The following ZSWIM8 variants were observed in gnomAD, a reference collection of about 807,000 sequenced individuals.
The protein encoded by ZSWIM8 is zinc finger SWIM-type containing 8.
Under a neutral mutation model 173.7 loss-of-function variants are expected in ZSWIM8, and 27 were observed. The observed-to-expected ratio is 0.16, with a 90% CI of 0.11 to 0.21. ZSWIM8 has a LOEUF of 0.21. Ranked by LOEUF, ZSWIM8 falls within the 10% of genes least tolerant of loss-of-function variation. ZSWIM8 has a pLI of 1.00. For missense variants in ZSWIM8, 1,627 were observed against 2,428.8 expected, an observed-to-expected ratio of 0.67 and a Z score of 6.94; for synonymous variants, 958 against 962.0, an observed-to-expected ratio of 1.00 and a Z score of 0.08.
Position 73,795,263 on chromosome 10 carries a change from C to T in ZSWIM8, c.2909-276C>T, listed in dbSNP as rs190301300. On this transcript the variant is annotated intron_variant, in intron 14 of 25. Coordinates refer to ENST00000604729, the MANE Select transcript of ZSWIM8 (RefSeq NM_001367799.1). ...GCGAACACCATGAGTAAATACACAACGCAATCAAGTTTTCATGAGAATGAG... is the reference window on the plus strand; with the variant it reads ...GCGAACACCATGAGTAAATACACAATGCAATCAAGTTTTCATGAGAATGAG... 7.2e-5 allele frequency among the ~76,000 whole-genome samples: 11 copies of T among 152,292 alleles called. No individual in the cohort carries two copies. In the East Asian group the frequency reaches 1.7e-3, roughly 24 times the overall value.
intron 15 of ZSWIM8, chr10:73,796,218 G>A (rs905092146): frequency 1.6e-4 from 30 of 189,402 alleles, no homozygotes; most frequent in Non-Finnish European, 2.5e-4. Flanking sequence ...GCATGGTGGC[G>A]CGCGCCTGTA....
Position 73,789,583 on chromosome 10 carries a change from C to T in ZSWIM8, c.630+44C>T, listed in dbSNP as rs770421233. ...ATCCCGGCCCTATCCTACACTCCAT[C>T]CCCCCCTTCTCTGCTGCATGCCTGG... On this transcript the variant is annotated intron_variant, in intron 4 of 25. Coordinates refer to ENST00000604729, the MANE Select transcript of ZSWIM8 (RefSeq NM_001367799.1). The surrounding 1 kb of genome is among the most constrained non-coding windows in gnomAD (Gnocchi z 6.8). 1 of 1,585,792 alleles carries T rather than the reference C, an allele frequency of 6.3e-7. No homozygotes were observed. The highest frequency in any genetic ancestry group is 1.3e-5 in the African/African-American group (1 of 74,430).
chr10:73,796,681 G>A, intron 15 of ZSWIM8, 93 bp from the exon 16 acceptor site: 1 of 1,519,654 alleles, frequency 6.6e-7, no homozygotes, highest in Non-Finnish European at 8.8e-7. Flanking sequence ...TGTAGCAATT[G>A]GCTGTTTCAA....
At chr10:73,786,219 C>CGGGAGCTGTCCCCGACT (rs1296075714) in intron 1 of ZSWIM8, 133 bp downstream of exon 1, 3 of 1,057,494 alleles carry the variant, frequency 2.8e-6, no homozygotes, top group Admixed American at 3.2e-5. Context: ...TGTCCCCGGC[C>CGGGAGCTGTCCCCGACT]GGGAGCTGTC....
intron 2 of ZSWIM8, 121 bp from the exon 3 acceptor site, chr10:73,788,975 A>ACCCCC: frequency 2.8e-6 from 1 of 355,000 alleles, no homozygotes; most frequent in African/African-American, 4.9e-5. Flanking sequence ...CCTCCCCCCC[A>ACCCCC]CCCCCCGCCC....
rs2083728632 is a variant in ZSWIM8, at chr10:73,797,641, G to T, written c.3662+36G>T. 3 of 1,607,444 alleles carry T rather than the reference G, an allele frequency of 1.9e-6. No homozygotes were observed. The highest frequency in any genetic ancestry group is 2.6e-6 in the Non-Finnish European group (3 of 1,175,942). The stretch of plus-strand genomic sequence containing the variant: ...AGAACTCCCCATCTTCCCTGATCTG[G>T]CCCACCCTCAGAGCCACACCCCTAG... On this transcript the variant is annotated intron_variant, in intron 18 of 25. Coordinates refer to ENST00000604729, the MANE Select transcript of ZSWIM8 (RefSeq NM_001367799.1). This position sits in a 1 kb window ranked among gnomAD's most constrained non-coding sequence, Gnocchi z 5.6.
chr10:73,792,127 C>A lies in ZSWIM8; in HGVS notation c.1588C>A (p.Arg530=), dbSNP rs745642328. Residue 530 remains arginine (R), a synonymous_variant, in exon 10 of 26, where the codon CGG becomes AGG. Coordinates refer to ENST00000604729, the MANE Select transcript of ZSWIM8 (RefSeq NM_001367799.1). This position sits in a 1 kb window ranked among gnomAD's most constrained non-coding sequence, Gnocchi z 4.3. The part of the protein sequence containing the change: ...RSGGLEESRD[R]PRPLPTEPAV... ...TGGGGGCCTGGAGGAATCCCGGGAC[C>A]GGCCCCGACCCCTTCCTACTGAGCC... is the stretch of plus-strand genomic sequence containing the variant. The A allele has an allele frequency of 5.9e-6, 9 of 1,524,918 alleles. No individual in the cohort carries two copies. Among genetic ancestry groups the A allele is most frequent in the Non-Finnish European group, 7.9e-6 (9 of 1,135,184 alleles). 94.5% of individuals were successfully genotyped at this position (1,524,918 alleles called of 1,614,324 possible).
In ZSWIM8 at chr10:73,789,737, A is replaced by G; in HGVS notation, c.651A>G (p.Arg217=). 1 of 1,607,136 alleles carries G rather than the reference A, an allele frequency of 6.2e-7. No individual in the cohort carries two copies. The highest frequency in any genetic ancestry group is 8.5e-7 in the Non-Finnish European group (1 of 1,176,946). Residue 217 remains arginine, a synonymous_variant, in exon 5 of 26, where the codon CGA becomes CGG. Transcript: ENST00000604729. The surrounding 1 kb of genome is among the most constrained non-coding windows in gnomAD (Gnocchi z 6.8). ...TTCAGGCTTCTGCAGTCTGCCTGCGAGCCCCAGTCTCAGAGTCCCTGTCCC... is the reference window on the plus strand; with the variant it reads ...TTCAGGCTTCTGCAGTCTGCCTGCGGGCCCCAGTCTCAGAGTCCCTGTCCC... The part of the protein sequence containing the change: ...RIHNASAVCL[R]APVSESLSRL...
rs1250795038 is a variant in ZSWIM8, at chr10:73,796,767, C to T, written c.3034-7C>T. ...CTTCTCTGGAGGTCACTGCTTCTGTCTTCCAGATCTTAGACAAACTCTTGG... is the reference window on the plus strand; with the variant it reads ...CTTCTCTGGAGGTCACTGCTTCTGTTTTCCAGATCTTAGACAAACTCTTGG... On this transcript the variant is annotated splice_polypyrimidine_tract_variant and splice_region_variant and intron_variant, in intron 15 of 25. Coordinates refer to ENST00000604729, the MANE Select transcript of ZSWIM8 (RefSeq NM_001367799.1). 1 of 1,612,240 alleles carries T rather than the reference C, an allele frequency of 6.2e-7. No homozygotes were observed. The highest frequency in any genetic ancestry group is 8.5e-7 in the Non-Finnish European group (1 of 1,179,816).
chr10:73,796,516 C>A lies in ZSWIM8; in HGVS notation c.3034-258C>A, dbSNP rs2083664256. ...GAGAAGCAGAGGGCATAAAGTCATT[C>A]ATTCACTTATTTCAGTATTTATTGA... On this transcript the variant is annotated intron_variant, in intron 15 of 25. Transcript: ENST00000604729. The A allele has an allele frequency of 5.6e-6, 3 of 534,832 alleles. No homozygotes were observed. In the South Asian group the frequency reaches 6.2e-5, roughly 11 times the overall value. 33.1% of individuals were successfully genotyped at this position (534,832 alleles called of 1,614,324 possible). A position where few individuals can be genotyped will look rare whatever the true frequency, so the allele number is the denominator to read the frequency against.
Position 73,791,110 on chromosome 10 carries a change from G to T in ZSWIM8, c.1077G>T (p.Lys359Asn). Residue 359 changes from lysine to asparagine, a missense_variant, in exon 8 of 26, where the codon AAG (lysine) becomes AAT (asparagine). Transcript: ENST00000604729. This position sits in a 1 kb window ranked among gnomAD's most constrained non-coding sequence, Gnocchi z 6.0. ...TAAGCATTGTGCGGGAGATGTTCAA[G>T]CGGAGGGACAGCAATGCTGCCCCCT... ...NLLSIVREMF[K>N]RRDSNAAPLL... 6.2e-7 allele frequency: 1 copy of T among 1,613,910 alleles called. No individual in the cohort carries two copies. Among genetic ancestry groups the T allele is most frequent in the Non-Finnish European group, 8.5e-7 (1 of 1,179,808 alleles).
intron 1 of ZSWIM8, chr10:73,786,502 T>C (rs1338880734): frequency 5.9e-6 from 1 of 169,266 alleles, no homozygotes; most frequent in Admixed American, 6.4e-5. Context: ...TACCGGAAAG[T>C]AGAGGAAGAG....
rs1211658067 is a variant in ZSWIM8, at chr10:73,789,392, G to A, written c.483G>A (p.Val161=). 2 of 1,569,510 alleles carry A rather than the reference G, an allele frequency of 1.3e-6. No individual in the cohort carries two copies. The highest frequency in any genetic ancestry group is 2.7e-5 in the African/African-American group (2 of 74,314). Residue 161 remains valine, a synonymous_variant, in exon 4 of 26, where the codon GTG becomes GTA. Coordinates refer to ENST00000604729, the MANE Select transcript of ZSWIM8 (RefSeq NM_001367799.1). This position sits in a 1 kb window ranked among gnomAD's most constrained non-coding sequence, Gnocchi z 6.8. ...QIGFHLSATV[V]PPQMVPPKGA... is the part of the protein sequence containing the mutation. ...GGTTCCACCTGAGTGCTACAGTGGT[G>A]CCACCTCAGATGGTCCCTCCTAAAG...
intron 1 of ZSWIM8, chr10:73,786,380 A>T (rs2083227219): frequency 2.7e-6 from 1 of 365,968 alleles, no homozygotes; most frequent in African/African-American, 2.1e-5. Context: ...TGACAGGGAG[A>T]TCCTGTGGAC....
Position 73,791,928 on chromosome 10 carries a change from A to G in ZSWIM8, c.1389A>G (p.Gln463=), listed in dbSNP as rs200545382. The G allele has an allele frequency of 2.6e-6, 4 of 1,551,934 alleles. No individual in the cohort carries two copies. The highest frequency in any genetic ancestry group is 3.5e-6 in the Non-Finnish European group (4 of 1,147,146). ...LKVIENVKRG[Q]HKKTLERLFP... ...TGATTGAGAACGTCAAGCGGGGCCA[A>G]CACAAGAAGACGCTGGAGCGGCTCT... Residue 463 remains glutamine (Q), a synonymous_variant, in exon 10 of 26, where the codon CAA becomes CAG. Transcript: ENST00000604729. The surrounding 1 kb of genome is among the most constrained non-coding windows in gnomAD (Gnocchi z 6.0).
rs771645545 is a variant in ZSWIM8, at chr10:73,789,907, G to C, written c.739-49G>C. On this transcript the variant is annotated intron_variant, in intron 5 of 25. Coordinates refer to ENST00000604729, the MANE Select transcript of ZSWIM8 (RefSeq NM_001367799.1). This position sits in a 1 kb window ranked among gnomAD's most constrained non-coding sequence, Gnocchi z 6.8. ...CTTCCTGTTAGGCCCAGGCCTCCAT[G>C]GGTTCACCTAGGCCGTGTTCTGCCT... 3 of 1,595,180 alleles carry C rather than the reference G, an allele frequency of 1.9e-6. 1 individual carries two copies. In the South Asian group the frequency reaches 3.4e-5, roughly 18 times the overall value.
Position 73,798,999 on chromosome 10 carries a change from C to T in ZSWIM8, c.4177-3C>T. The T allele has an allele frequency of 6.2e-7, 1 of 1,603,722 alleles. No homozygotes were observed. Among genetic ancestry groups the T allele is most frequent in the Non-Finnish European group, 8.5e-7 (1 of 1,173,382 alleles). ...CTTAACACTCTGTGCCCCTCTCTTCCAGGACAACCTGATGTTGGAGAAGGC... is the reference window on the plus strand; with the variant it reads ...CTTAACACTCTGTGCCCCTCTCTTCTAGGACAACCTGATGTTGGAGAAGGC... On this transcript the variant is annotated splice_region_variant and splice_polypyrimidine_tract_variant and intron_variant, in intron 20 of 25. Transcript: ENST00000604729.
In ZSWIM8 at chr10:73,797,281, C is replaced by G; in HGVS notation, c.3433+10C>G. On this transcript the variant is annotated intron_variant, in intron 17 of 25. Coordinates refer to ENST00000604729, the MANE Select transcript of ZSWIM8 (RefSeq NM_001367799.1). This position sits in a 1 kb window ranked among gnomAD's most constrained non-coding sequence, Gnocchi z 5.6. ...AAGAAGAAGCACACAGGTAGGATAG[C>G]CTGTGGGCTAGCATAGAGGGAAGGA... is the stretch of plus-strand genomic sequence containing the variant. 6.2e-7 allele frequency: 1 copy of G among 1,613,882 alleles called. No homozygotes were observed. Among genetic ancestry groups the G allele is most frequent in the Non-Finnish European group, 8.5e-7 (1 of 1,179,832 alleles).
rs1375043063 is a variant in ZSWIM8 at position 73,793,651 on chromosome 10, A to T, written c.2377A>T (p.Thr793Ser). 2 of 1,613,570 alleles carry T rather than the reference A, an allele frequency of 1.2e-6. No homozygotes were observed. The highest frequency in any genetic ancestry group is 1.7e-5 in the Admixed American group (1 of 59,984). ...CTATAGCAGTGAGGCCTCCCGTCTCACTGTGGAGCTTGCCCAGGATCTGCT... is the reference window on the plus strand; with the variant it reads ...CTATAGCAGTGAGGCCTCCCGTCTCTCTGTGGAGCTTGCCCAGGATCTGCT... ...HGYSSEASRL[T>S]VELAQDLLAN... The change falls in exon 11 of 26, where the codon ACT becomes TCT. Residue 793 changes from threonine to serine, a missense_variant. This residue lies in a region of ZSWIM8 where 383 missense variants were observed against 394.8 expected (regional missense o/e 0.97). Coordinates refer to ENST00000604729, the MANE Select transcript of ZSWIM8 (RefSeq NM_001367799.1).
Sources: allele counts gnomAD v4.1 joint callset (sites outside exome capture counted in the v4.1 genomes callset), GRCh38; gene constraint gnomAD v4.1.1; regional missense constraint gnomAD v4.1.1; non-coding constraint Gnocchi (gnomAD v3.1); transcripts MANE v1.5; gene names NCBI Gene and HGNC (gene_info 2026-07-23, HGNC 2026-07-21).